Variants in PPM1H observed in about 807,000 individuals in gnomAD.
PPM1H encodes the protein protein phosphatase, Mg2+/Mn2+ dependent 1H.
A neutral mutation model predicts 54.9 loss-of-function variants in PPM1H; 27 were observed. That is an observed-to-expected ratio of 0.49 (90% CI 0.36 to 0.68). PPM1H has a LOEUF of 0.68. Among genes scored for constraint, PPM1H ranks in the 30% least tolerant of loss-of-function variants. The probability of loss-of-function intolerance (pLI) is 0.00; values close to 1 mark genes in which losing one functional copy is unlikely to be tolerated. For synonymous variants in PPM1H, 305 were observed against 270.8 expected (o/e 1.13, Z -1.24); for missense variants, 596 against 667.8 (o/e 0.89, Z 1.19).
chr12:62,899,198 G>A (rs1035076540), intron 1 of PPM1H, among the ~76,000 whole-genome samples: 1 of 152,096 alleles, frequency 6.6e-6, no homozygotes, highest in African/African-American at 2.4e-5. Flanking sequence ...ACTTTTGTAT[G>A]TATTTTTTTA....
intron 5 of PPM1H, among the ~76,000 whole-genome samples, chr12:62,732,577 T>A (rs1199255686): frequency 1.4e-5 from 2 of 145,072 alleles, no homozygotes; most frequent in Non-Finnish European, 3.0e-5. Flanking sequence ...TGTTTTCGGT[T>A]TTTTTTTTTT....
chr12:62,780,903 C>T (rs2076637998), intron 4 of PPM1H, among the ~76,000 whole-genome samples: 1 of 152,204 alleles, frequency 6.6e-6, no homozygotes, highest in Non-Finnish European at 1.5e-5. Context: ...GTGACTATCT[C>T]GATCACAATA....
intron 2 of PPM1H, among the ~76,000 whole-genome samples, chr12:62,831,744 C>T (rs144140165): frequency 1.2e-3 from 165 of 142,482 alleles, no homozygotes; most frequent in Non-Finnish European, 5.8e-4. Context: ...TGTGTGTATA[C>T]GTATATATAT....
intron 6 of PPM1H, among the ~76,000 whole-genome samples, chr12:62,699,423 C>A (rs1184052749): frequency 6.6e-6 from 1 of 152,214 alleles, no homozygotes; most frequent in Non-Finnish European, 1.5e-5. Flanking sequence ...GTATTAAACT[C>A]CTGACCTCAG....
chr12:62,796,922 T>C (rs1049287391), intron 3 of PPM1H, among the ~76,000 whole-genome samples: 2 of 152,218 alleles, frequency 1.3e-5, no homozygotes, highest in African/African-American at 2.4e-5. Context: ...CTTGGTCTTT[T>C]TGATGAACAG....
chr12:62,801,773 C>T (rs759434585), intron 3 of PPM1H, 43 bp downstream of exon 3: 6 of 1,599,698 alleles, frequency 3.8e-6, no homozygotes, highest in South Asian at 3.3e-5. Flanking sequence ...CTGGCGCAGG[C>T]GCCAGCCTGG....
chr12:62,748,956 C>A (rs2076427039), intron 4 of PPM1H, among the ~76,000 whole-genome samples: 1 of 152,198 alleles, frequency 6.6e-6, no homozygotes, highest in Admixed American at 6.5e-5. Context: ...CTTCTGAAAA[C>A]AGTCTGATAC....
chr12:62,741,931 C>G (rs990365378), intron 4 of PPM1H, among the ~76,000 whole-genome samples: 1 of 152,032 alleles, frequency 6.6e-6, no homozygotes, highest in African/African-American at 2.4e-5. Flanking sequence ...AACTTATAGT[C>G]TGAGCCCTTA....
In PPM1H at chr12:62,932,641, T is replaced by TTTTTTTTTTTTTTTTTTTTTC. The variant is rs1409328343; in HGVS notation, c.245+1850_245+1851insGAAAAAAAAAAAAAAAAAAAA. On this transcript the variant is annotated intron_variant, in intron 1 of 9. Transcript: ENST00000228705. ...GGTCCAAATGGGCTTTTTTTTTTTT[T>TTTTTTTTTTTTTTTTTTTTTC]TTTTTTTTTTGAGAAGGAGTTTCGC... Among the ~76,000 whole-genome samples the TTTTTTTTTTTTTTTTTTTTTC allele has an allele frequency of 1.5e-5, 2 of 133,074 alleles. 1 individual carries two copies. The highest frequency in any genetic ancestry group is 3.2e-5 in the Non-Finnish European group (2 of 61,824). The allele number at this position is 133,074 out of a possible 152,430, so 87.3% of individuals were successfully genotyped here.
At chr12:62,748,043 G>A (rs2076422207) in intron 4 of PPM1H, among the ~76,000 whole-genome samples, 2 of 152,134 alleles carry the variant, frequency 1.3e-5, no homozygotes. Flanking sequence ...GCAGGTAATG[G>A]TGTCCAGGAG....
At chr12:62,789,707 T>C (rs1449007346) in intron 3 of PPM1H, among the ~76,000 whole-genome samples, 2 of 152,306 alleles carry the variant, frequency 1.3e-5, no homozygotes, top group East Asian at 3.9e-4. Context: ...AGAAGTGGGG[T>C]AGCCTGCCCA....
At chr12:62,707,312 C>T (rs57747825) in intron 6 of PPM1H, among the ~76,000 whole-genome samples, 2,827 of 152,288 alleles carry the variant, frequency 0.019, 85 homozygotes, top group African/African-American at 0.065. Flanking sequence ...CCCTTATCAG[C>T]CACTGCCAGT....
chr12:62,658,677 AG>A, intron 9 of PPM1H: 1 of 286,000 alleles, frequency 3.5e-6, no homozygotes, highest in Non-Finnish European at 6.7e-6. Context: ...ACCCCACTCC[AG>A]GATGTTAGCG....
rs186801204 is a variant in PPM1H, at chr12:62,720,136, G to A, written c.1073+35C>T. On this transcript the variant is annotated intron_variant, in intron 6 of 9. Transcript: ENST00000228705. ...TGGTGATGCTTCCTTCACACACACT[G>A]TGTGGTTCCGAGGCAGAGGAAGGCA... 2,621 of 1,505,618 alleles carry A rather than the reference G, an allele frequency of 1.7e-3. 2 individuals are homozygous for A. The highest frequency in any genetic ancestry group is 2.1e-3 in the Non-Finnish European group (2,224 of 1,081,610). 93.3% of individuals were successfully genotyped at this position (1,505,618 alleles called of 1,614,324 possible). A position where few individuals can be genotyped will look rare whatever the true frequency, so the allele number is the denominator to read the frequency against.
chr12:62,849,237 G>GATA lies in PPM1H; in HGVS notation c.246-16961_246-16959dup, dbSNP rs1348977628. 2.0e-5 allele frequency among the ~76,000 whole-genome samples: 3 copies of GATA among 152,124 alleles called. No homozygotes were observed. The East Asian group carries it at 5.8e-4, about 29-fold the overall frequency. On this transcript the variant is annotated intron_variant, in intron 1 of 9. Coordinates refer to ENST00000228705, the MANE Select transcript of PPM1H (RefSeq NM_020700.2). ...CAACTCTTTTTATATCAAAGATAAT[G>GATA]ATACACTATCTAAATTATCAATTAC...
At chr12:62,904,205 A>C (rs1055504956) in intron 1 of PPM1H, among the ~76,000 whole-genome samples, 1 of 152,148 alleles carries the variant, frequency 6.6e-6, no homozygotes, top group African/African-American at 2.4e-5. Context: ...AAGGCCCACA[A>C]ACAGAGCTGT....
At chr12:62,765,243 T>C (rs1246386994) in intron 4 of PPM1H, among the ~76,000 whole-genome samples, 1 of 152,184 alleles carries the variant, frequency 6.6e-6, no homozygotes, top group East Asian at 1.9e-4. Flanking sequence ...AGATGTCATC[T>C]GGAATCAGAA....
chr12:62,688,105 C>G (rs1194171528), intron 8 of PPM1H, among the ~76,000 whole-genome samples: 1 of 151,916 alleles, frequency 6.6e-6, no homozygotes. Flanking sequence ...CTTCTACTAT[C>G]GAAATTGGGA....
chr12:62,745,231 A>G (rs1387218229), intron 4 of PPM1H, among the ~76,000 whole-genome samples: 2 of 152,100 alleles, frequency 1.3e-5, no homozygotes, highest in Non-Finnish European at 2.9e-5. Context: ...TTAAATTATT[A>G]TTATTTTCTT....
Sources: allele counts gnomAD v4.1 joint callset (sites outside exome capture counted in the v4.1 genomes callset), GRCh38; gene constraint gnomAD v4.1.1; transcripts MANE v1.5; gene names NCBI Gene and HGNC (gene_info 2026-07-23, HGNC 2026-07-21).